Variants in ADPGK observed in about 807,000 individuals in gnomAD.
ADPGK encodes the protein ADP-dependent glucokinase.
ADPGK carries 26 observed loss-of-function variants against 42.4 expected under a neutral mutation model. The ratio of observed to expected loss-of-function variants is 0.61; its 90% CI spans 0.45 to 0.85. The LOEUF is 0.85. Among genes scored for constraint, ADPGK ranks in the 40% least tolerant of loss-of-function variants. The pLI, the probability that ADPGK is intolerant of heterozygous loss-of-function variation, is 0.00. For missense variants in ADPGK, 571 were observed against 627.0 expected, an observed-to-expected ratio of 0.91 and a Z score of 0.95; for synonymous variants, 267 against 252.6, an observed-to-expected ratio of 1.06 and a Z score of -0.54.
At chr15:72,772,661 T>C (rs1444842726) in intron 2 of ADPGK, among the ~76,000 whole-genome samples, 1 of 152,278 alleles carries the variant, frequency 6.6e-6, no homozygotes, top group South Asian at 2.1e-4. Flanking sequence ...ACTGTCTTCT[T>C]CTGAAGTGTT....
intron 2 of ADPGK, among the ~76,000 whole-genome samples, chr15:72,772,704 G>A (rs1280088275): frequency 6.6e-6 from 1 of 152,116 alleles, no homozygotes; most frequent in Non-Finnish European, 1.5e-5. Context: ...TTTGAGAAAC[G>A]AAGAAACACA....
At chr15:72,781,997 C>T (rs2066464335) in intron 1 of ADPGK, among the ~76,000 whole-genome samples, 1 of 152,204 alleles carries the variant, frequency 6.6e-6, no homozygotes, top group Admixed American at 6.5e-5. Flanking sequence ...ACATCGGAAG[C>T]CAATCCTGCC....
At chr15:72,766,307 A>G (rs1430364864) in intron 3 of ADPGK, among the ~76,000 whole-genome samples, 2 of 152,186 alleles carry the variant, frequency 1.3e-5, no homozygotes, top group African/African-American at 4.8e-5. Flanking sequence ...ACTGTGGGTA[A>G]AATGCTATCA....
At chr15:72,769,788 T>C (rs2066306855) in intron 3 of ADPGK, among the ~76,000 whole-genome samples, 1 of 152,228 alleles carries the variant, frequency 6.6e-6, no homozygotes, top group African/African-American at 2.4e-5. Flanking sequence ...TGGGTTCAAT[T>C]CCCACTCTAC....
At chr15:72,772,921 T>C (rs1182680486) in intron 2 of ADPGK, among the ~76,000 whole-genome samples, 2 of 152,160 alleles carry the variant, frequency 1.3e-5, no homozygotes, top group Non-Finnish European at 2.9e-5. Context: ...GCTGCTGTTC[T>C]ATTATAAAAG....
intron 1 of ADPGK, among the ~76,000 whole-genome samples, chr15:72,780,630 T>A (rs528529820): frequency 1.4e-3 from 220 of 152,260 alleles, no homozygotes; most frequent in African/African-American, 5.0e-3. Context: ...ATCCTGTCCC[T>A]ACCAAGAATA....
chr15:72,774,768 C>T, intron 2 of ADPGK, 104 bp downstream of exon 2: 1 of 1,052,368 alleles, frequency 9.5e-7, no homozygotes, highest in African/African-American at 1.6e-5. Context: ...TTTTGCTCCC[C>T]TCCTCTTCAA....
At chr15:72,768,762 G>T (rs192171882) in intron 3 of ADPGK, among the ~76,000 whole-genome samples, 2 of 152,006 alleles carry the variant, frequency 1.3e-5, no homozygotes, top group Non-Finnish European at 2.9e-5. Context: ...GCTTGAGGTC[G>T]GGAGTTGAGA....
chr15:72,759,557 T>C (rs2066165939), intron 4 of ADPGK, among the ~76,000 whole-genome samples: 1 of 152,216 alleles, frequency 6.6e-6, no homozygotes. Flanking sequence ...TCATATCTTA[T>C]GTTAAAGTTA....
At position 72,768,747 on chromosome 15, in the gene ADPGK, G is replaced by A. The variant is rs188667416; in HGVS notation, c.522+3036C>T. ...AGCACTTTGGGAGGCTAAGGCAGGC[G>A]GATCGCTTGAGGTCGGGAGTTGAGA... On this transcript the variant is annotated intron_variant, in intron 3 of 6. Coordinates refer to ENST00000456471, the MANE Select transcript of ADPGK (RefSeq NM_001365225.1). 3.1e-3 allele frequency among the ~76,000 whole-genome samples: 465 copies of A among 152,174 alleles called. 7 individuals are homozygous for A. The highest frequency in any genetic ancestry group is 1.4e-3 in the East Asian group (7 of 5,178).
At chr15:72,754,137 A>T (rs1056407804) in intron 6 of ADPGK, among the ~76,000 whole-genome samples, 2 of 151,938 alleles carry the variant, frequency 1.3e-5, no homozygotes, top group African/African-American at 2.4e-5. Context: ...AGCCCTCCAT[A>T]TCCATGGCTT....
intron 3 of ADPGK, among the ~76,000 whole-genome samples, chr15:72,767,023 C>CA (rs1296520721): frequency 2.6e-5 from 4 of 152,054 alleles, no homozygotes; most frequent in Non-Finnish European, 4.4e-5. Flanking sequence ...AAGCAAGCCC[C>CA]AACTATACGC....
intron 1 of ADPGK, among the ~76,000 whole-genome samples, chr15:72,776,713 A>G (rs1369668856): frequency 6.6e-6 from 1 of 152,210 alleles, no homozygotes; most frequent in Non-Finnish European, 1.5e-5. Flanking sequence ...AAGGGCAAGG[A>G]AGAGACATCC....
In ADPGK at chr15:72,783,660, C is replaced by A. The variant is rs1050969586; in HGVS notation, c.32G>T (p.Gly11Val). 2.0e-5 allele frequency: 30 copies of A among 1,506,364 alleles called. No homozygotes were observed. Among genetic ancestry groups the A allele is most frequent in the Admixed American group, 4.2e-5 (2 of 47,762 alleles). The allele number at this position is 1,506,364 out of a possible 1,614,324, so 93.3% of individuals were successfully genotyped here. A position where few individuals can be genotyped will look rare whatever the true frequency, so the allele number is the denominator to read the frequency against. ...GCAGCCCACGGCCAGCGCCAGGAAG[C>A]CCGCGTACGCGGAGCCGCGCCACAG... MALWRGSAYA[G>V]FLALAVGCVF... Residue 11 changes from glycine (G) to valine (V), a missense_variant, in exon 1 of 7, where the codon GGC (glycine) becomes GTC (valine). Physicochemically the swap from Gly to Val is moderately radical, Grantham distance 109 (BLOSUM62 -3). Coordinates refer to ENST00000456471, the MANE Select transcript of ADPGK (RefSeq NM_001365225.1).
Position 72,783,476 on chromosome 15 carries a change from C to A in ADPGK, c.216G>T (p.Trp72Cys). The change falls in exon 1 of 7, where the codon TGG (tryptophan) becomes TGT (cysteine). Residue 72 changes from tryptophan to cysteine, a missense_variant. Coordinates refer to ENST00000456471, the MANE Select transcript of ADPGK (RefSeq NM_001365225.1). ...GCACTCACCCCACTGCCACGCGGCG[C>A]CAGCGCCGGACTGGCCGCACGATAA... ...DALIVRPVRRWRRVAVGVNAC... is the reference protein window; with the variant it reads ...DALIVRPVRRCRRVAVGVNAC... 1 of 1,394,516 alleles carries A rather than the reference C, an allele frequency of 7.2e-7. No individual in the cohort carries two copies. The highest frequency in any genetic ancestry group is 9.3e-7 in the Non-Finnish European group (1 of 1,080,990). 86.4% of individuals were successfully genotyped at this position (1,394,516 alleles called of 1,614,324 possible).
At chr15:72,764,975 A>G (rs1595795714) in intron 3 of ADPGK, among the ~76,000 whole-genome samples, 2 of 146,702 alleles carry the variant, frequency 1.4e-5, no homozygotes, top group Admixed American at 1.4e-4. Flanking sequence ...TTTTAAGCCC[A>G]CTGTTCAGAA....
chr15:72,758,969 C>T (rs555592832), intron 4 of ADPGK, among the ~76,000 whole-genome samples: 2 of 152,172 alleles, frequency 1.3e-5, no homozygotes, highest in Non-Finnish European at 2.9e-5. Context: ...GACGGAGTCT[C>T]GCTCTGTTGC....
intron 3 of ADPGK, among the ~76,000 whole-genome samples, chr15:72,761,104 T>C (rs1272985741): frequency 6.6e-6 from 1 of 152,140 alleles, no homozygotes; most frequent in African/African-American, 2.4e-5. Context: ...AGCCACACCT[T>C]GCTGGAACCT....
chr15:72,780,447 T>C (rs1269964041), intron 1 of ADPGK, among the ~76,000 whole-genome samples: 1 of 152,188 alleles, frequency 6.6e-6, no homozygotes, highest in African/African-American at 2.4e-5. Flanking sequence ...GGGATTACAA[T>C]TCAAGATGAG....
Sources: gnomAD v4.1 joint callset for allele counts (sites outside exome capture counted in the v4.1 genomes callset) on GRCh38, gnomAD v4.1.1 for gene constraint, MANE v1.5 for transcripts, NCBI Gene and HGNC (gene_info 2026-07-23, HGNC 2026-07-21) for gene names.